KIAA1217: variants seen among roughly 807,000 people sequenced by gnomAD.
KIAA1217 encodes the protein KIAA1217, also known as sickle tail protein homolog.
Under a neutral mutation model 163.9 loss-of-function variants are expected in KIAA1217, and 88 were observed. That is an observed-to-expected ratio of 0.54 (90% CI 0.45 to 0.64). The LOEUF (loss-of-function observed/expected upper bound fraction) is 0.64, where lower values mean the gene tolerates loss of function less well. Among genes scored for constraint, KIAA1217 ranks in the 30% least tolerant of loss-of-function variants. The pLI is 0.00. For synonymous variants in KIAA1217, 903 were observed against 923.1 expected, an observed-to-expected ratio of 0.98 and a Z score of 0.39; for missense variants, 2,372 against 2,475.0, an observed-to-expected ratio of 0.96 and a Z score of 0.88.
chr10:24,481,633 T>A (rs1226728886), intron 6 of KIAA1217: 1 of 152,184 alleles, frequency 6.6e-6, no homozygotes, highest in Non-Finnish European at 1.5e-5. Flanking sequence ...CAGCTGGAAA[T>A]CCAACCACCA....
At chr10:23,818,435 T>C (rs1262555605) in intron 1 of KIAA1217, among the ~76,000 whole-genome samples, 2 of 149,498 alleles carry the variant, frequency 1.3e-5, no homozygotes, top group Non-Finnish European at 3.0e-5. Flanking sequence ...AGACCCAAAG[T>C]GAAAAATATT....
intron 13 of KIAA1217, among the ~76,000 whole-genome samples, chr10:24,526,142 CAACCTTGTCGT>C (rs1273704409): frequency 2.0e-5 from 3 of 152,170 alleles, no homozygotes; most frequent in Non-Finnish European, 4.4e-5. Context: ...TATCACCCAA[CAACCTTGTCGT>C]AACCCTCCTG....
In KIAA1217 at chr10:24,545,939, C is replaced by T; in HGVS notation, c.5447C>T (p.Pro1816Leu). 1 of 1,614,132 alleles carries T rather than the reference C, an allele frequency of 6.2e-7. No homozygotes were observed. The highest frequency in any genetic ancestry group is 8.5e-7 in the Non-Finnish European group (1 of 1,180,046). ...SPSSGKSSSL[P>L]SSSGDSSNLP... Reference sequence around the variant, plus strand: ...AGCTCTGGGAAAAGCAGTTCTCTGCCCTCTTCTAGTGGTGACAGCTCTAAC... The same window carrying T: ...AGCTCTGGGAAAAGCAGTTCTCTGCTCTCTTCTAGTGGTGACAGCTCTAAC... Residue 1816 changes from proline (P) to leucine (L), a missense_variant, in exon 21 of 21, where the codon CCC (proline) becomes CTC (leucine). Pro to Leu is a moderately conservative substitution (Grantham distance 98). Transcript: ENST00000376454.
rs1312932343 is a variant in KIAA1217, at chr10:24,473,484, T to C, written c.1103T>C (p.Leu368Ser). Residue 368 changes from leucine (L) to serine (S), a missense_variant, in exon 6 of 21, where the codon TTA (leucine) becomes TCA (serine). Coordinates refer to ENST00000376454, the MANE Select transcript of KIAA1217 (RefSeq NM_019590.5). ...RPISPSPSAI[L>S]ERRDVKPDED... ...ATCTCTCCAAGCCCAAGCGCCATTT[T>C]AGAAAGAAGAGATGTCAAGCCTGAT... The C allele has an allele frequency of 1.9e-6, 3 of 1,613,964 alleles. No homozygotes were observed. The highest frequency in any genetic ancestry group is 2.5e-6 in the Non-Finnish European group (3 of 1,180,026).
At chr10:24,484,241 A>ATATATATATATATTTTTTTTTTT (rs1376083298) in intron 6 of KIAA1217, among the ~76,000 whole-genome samples, 44 of 75,142 alleles carry the variant, frequency 5.9e-4, no homozygotes, top group Non-Finnish European at 7.0e-4. Flanking sequence ...ATATATATAT[A>ATATATATATATATTTTTTTTTTT]TTTTTTTTTT....
intron 2 of KIAA1217, among the ~76,000 whole-genome samples, chr10:24,247,700 CT>C (rs1029951622): frequency 2.6e-5 from 4 of 152,050 alleles, no homozygotes; most frequent in Non-Finnish European, 4.4e-5. Context: ...ACTCAGGAGG[CT>C]GAGGCAGGAG....
At chr10:23,932,327 AC>A (rs1407171090) in intron 1 of KIAA1217, among the ~76,000 whole-genome samples, 2 of 152,190 alleles carry the variant, frequency 1.3e-5, no homozygotes, top group African/African-American at 4.8e-5. Flanking sequence ...CTTATTTAAT[AC>A]AATTTTCATT....
At chr10:24,260,726 C>G (rs1332229752) in intron 2 of KIAA1217, among the ~76,000 whole-genome samples, 1 of 151,110 alleles carries the variant, frequency 6.6e-6, no homozygotes, top group Non-Finnish European at 1.5e-5. Flanking sequence ...GCCTGGGCAA[C>G]AGAATGAGAT....
At chr10:24,532,338 G>C (rs1263154014) in intron 15 of KIAA1217, among the ~76,000 whole-genome samples, 1 of 152,196 alleles carries the variant, frequency 6.6e-6, no homozygotes, top group Non-Finnish European at 1.5e-5. Flanking sequence ...CACCGTTGTG[G>C]GAGTCTATAC....
intron 2 of KIAA1217, among the ~76,000 whole-genome samples, chr10:24,084,462 T>C (rs1219084282): frequency 2.0e-5 from 3 of 152,238 alleles, no homozygotes; most frequent in African/African-American, 7.2e-5. Flanking sequence ...TATTATCTCA[T>C]TTAATCCAAG....
intron 2 of KIAA1217, among the ~76,000 whole-genome samples, chr10:24,093,030 G>A (rs547284464): frequency 1.2e-4 from 18 of 151,168 alleles, no homozygotes; most frequent in Non-Finnish European, 2.4e-4. Context: ...GTCTCACTCC[G>A]TTGCCCAGGC....
In KIAA1217 at chr10:23,822,512, G is replaced by A. The variant is rs141442932; in HGVS notation, c.-321+127278G>A. Among the ~76,000 whole-genome samples, 593 of 152,282 alleles carry A rather than the reference G, an allele frequency of 3.9e-3. 16 individuals carry two copies. Among genetic ancestry groups the A allele is most frequent in the Admixed American group, 0.028 (425 of 15,292 alleles). ...GATATTTGTCTTTATTATTGTTGCT[G>A]ATGTTGTTTTGTGTTAGAAGGAGCA... is the stretch of plus-strand genomic sequence containing the variant. On this transcript the variant is annotated intron_variant, in intron 1 of 18. Coordinates refer to the KIAA1217 transcript ENST00000376462.
At chr10:24,095,002 A>C (rs543169697) in intron 2 of KIAA1217, among the ~76,000 whole-genome samples, 1 of 152,272 alleles carries the variant, frequency 6.6e-6, no homozygotes, top group East Asian at 1.9e-4. Flanking sequence ...TGTGCTAGCA[A>C]TCAGTGAGAC....
chr10:24,126,970 T>G (rs2063492303), intron 2 of KIAA1217, among the ~76,000 whole-genome samples: 1 of 152,132 alleles, frequency 6.6e-6, no homozygotes, highest in Admixed American at 6.6e-5. Context: ...TTTGTTTGCT[T>G]TCTCTCTTTC....
intron 1 of KIAA1217, among the ~76,000 whole-genome samples, chr10:23,824,158 A>C (rs554922341): frequency 3.3e-5 from 5 of 152,096 alleles, no homozygotes; most frequent in African/African-American, 1.2e-4. Flanking sequence ...CTATGGTCCC[A>C]GCTACTTGGG....
At chr10:24,106,942 G>T (rs1011712707) in intron 2 of KIAA1217, among the ~76,000 whole-genome samples, 13 of 152,132 alleles carry the variant, frequency 8.5e-5, no homozygotes, top group Admixed American at 3.3e-4. Context: ...TGGCTAAATT[G>T]CATGTCATGG....
intron 1 of KIAA1217, among the ~76,000 whole-genome samples, chr10:23,879,966 A>G (rs1445909623): frequency 6.6e-6 from 1 of 151,868 alleles, no homozygotes; most frequent in Non-Finnish European, 1.5e-5. Flanking sequence ...GTTTGATTAC[A>G]TGGGCCACTT....
intron 2 of KIAA1217, among the ~76,000 whole-genome samples, chr10:24,051,585 G>T (rs569707525): frequency 4.6e-5 from 7 of 152,164 alleles, no homozygotes; most frequent in African/African-American, 1.7e-4. Context: ...CAGTGTCAAA[G>T]TTTTCCCTTT....
chr10:24,323,279 T>C (rs1296508599), intron 2 of KIAA1217, among the ~76,000 whole-genome samples: 1 of 152,198 alleles, frequency 6.6e-6, no homozygotes, highest in Non-Finnish European at 1.5e-5. Flanking sequence ...CTGGACTTGT[T>C]ACTCCTGGCC....
Sources: allele counts gnomAD v4.1 joint callset (sites outside exome capture counted in the v4.1 genomes callset), GRCh38; gene constraint gnomAD v4.1.1; transcripts MANE v1.5; gene names NCBI Gene and HGNC (gene_info 2026-07-23, HGNC 2026-07-21).